Variants in KCNQ5 observed in about 807,000 individuals in gnomAD.
The protein encoded by KCNQ5 is potassium voltage-gated channel subfamily KQT member 5.
A neutral mutation model predicts 98.2 loss-of-function variants in KCNQ5; 30 were observed. That is an observed-to-expected ratio of 0.31 (90% CI 0.23 to 0.41). KCNQ5 has a LOEUF of 0.41. KCNQ5 is among the 10% of genes least tolerant of loss of function. The pLI, the probability that KCNQ5 is intolerant of heterozygous loss-of-function variation, is 1.00. For synonymous variants in KCNQ5, 458 were observed against 449.4 expected (o/e 1.02, Z -0.24); for missense variants, 835 against 1,182.5 (o/e 0.71, Z 4.31).
rs1369772021 is a variant in KCNQ5 at position 73,042,214 on chromosome 6, A to G, written c.616+152A>G. ...TCTTGTGTCTTGAAAATGTTGACTC[A>G]TTTGATGTTGTCTCCACAGCATTAT... On this transcript the variant is annotated intron_variant, in intron 3 of 13. Coordinates refer to ENST00000370398, the MANE Select transcript of KCNQ5 (RefSeq NM_019842.4). 4 of 836,060 alleles carry G rather than the reference A, an allele frequency of 4.8e-6. No individual in the cohort carries two copies. The East Asian group carries it at 1.0e-4, about 21-fold the overall frequency. 51.8% of individuals were successfully genotyped at this position (836,060 alleles called of 1,614,324 possible). A position where few individuals can be genotyped will look rare whatever the true frequency, so the allele number is the denominator to read the frequency against.
chr6:72,985,928 A>T (rs922115456), intron 1 of KCNQ5, among the ~76,000 whole-genome samples: 2 of 152,128 alleles, frequency 1.3e-5, no homozygotes, highest in Admixed American at 6.6e-5. Context: ...TCAATGGTGG[A>T]TCGGATAAAG....
chr6:72,813,773 A>G (rs1002845322), intron 1 of KCNQ5, among the ~76,000 whole-genome samples: 1 of 152,194 alleles, frequency 6.6e-6, no homozygotes, highest in African/African-American at 2.4e-5. Context: ...ATAATATCTA[A>G]TATAATGTAA....
chr6:72,849,540 C>T (rs538718596), intron 1 of KCNQ5, among the ~76,000 whole-genome samples: 11 of 152,122 alleles, frequency 7.2e-5, no homozygotes, highest in South Asian at 2.1e-4. Context: ...CCAGTTGAGT[C>T]ATAAACTGGT....
At chr6:72,968,925 G>C (rs935836875) in intron 1 of KCNQ5, among the ~76,000 whole-genome samples, 5 of 152,108 alleles carry the variant, frequency 3.3e-5, no homozygotes, top group African/African-American at 1.2e-4. Context: ...CTCTTACTAA[G>C]CTTCCCTTTG....
chr6:72,970,750 A>T (rs1172348243), intron 1 of KCNQ5, among the ~76,000 whole-genome samples: 1 of 152,266 alleles, frequency 6.6e-6, no homozygotes, highest in Non-Finnish European at 1.5e-5. Flanking sequence ...AAATGGGGAA[A>T]GGATTCCCTA....
chr6:72,652,802 T>C (rs1231801100), intron 1 of KCNQ5, among the ~76,000 whole-genome samples: 2 of 152,042 alleles, frequency 1.3e-5, no homozygotes, highest in African/African-American at 2.4e-5. Context: ...AGGACTGAGT[T>C]CAATTCAGCC....
In KCNQ5 at chr6:73,197,917, C is replaced by T. The variant is rs1480526347; in HGVS notation, c.*2503C>T. 1 of 152,212 alleles carries T rather than the reference C, an allele frequency of 6.6e-6. No homozygotes were observed. Among genetic ancestry groups the T allele is most frequent in the Non-Finnish European group, 1.5e-5 (1 of 68,042 alleles). 9.4% of individuals were successfully genotyped at this position (152,212 alleles called of 1,614,324 possible). On this transcript the variant is annotated 3_prime_UTR_variant, in exon 14 of 14. Coordinates refer to ENST00000370398, the MANE Select transcript of KCNQ5 (RefSeq NM_019842.4). ...CTACACACAGCACTGAGGTCTTAAT[C>T]ATAGCAAAATGTGATAAACCATGTT...
chr6:73,105,191 C>T (rs1774952503), intron 5 of KCNQ5, 66 bp from the exon 6 acceptor site: 5 of 796,756 alleles, frequency 6.3e-6, no homozygotes, highest in Non-Finnish European at 1.0e-5. Context: ...TGCTTGCCTC[C>T]TGTTCATAGG....
At chr6:72,773,236 G>A (rs901449955) in intron 1 of KCNQ5, among the ~76,000 whole-genome samples, 5 of 152,060 alleles carry the variant, frequency 3.3e-5, no homozygotes, top group African/African-American at 1.2e-4. Flanking sequence ...CAACCCAAAT[G>A]CCCATCAGTG....
intron 1 of KCNQ5, among the ~76,000 whole-genome samples, chr6:72,747,829 A>G (rs766411677): frequency 3.3e-5 from 5 of 152,160 alleles, no homozygotes; most frequent in Non-Finnish European, 7.4e-5. Flanking sequence ...AACACCTTCA[A>G]CAGGGTTGTT....
intron 8 of KCNQ5, 70 bp from the exon 9 acceptor site, chr6:73,124,416 C>A: frequency 7.0e-7 from 1 of 1,432,746 alleles, no homozygotes; most frequent in Non-Finnish European, 9.8e-7. Flanking sequence ...TCCAATTTGG[C>A]CATTATCAAG....
intron 1 of KCNQ5, among the ~76,000 whole-genome samples, chr6:72,818,684 T>C (rs1053509285): frequency 6.6e-6 from 1 of 151,468 alleles, no homozygotes; most frequent in Non-Finnish European, 1.5e-5. Flanking sequence ...ATTTTTGAGA[T>C]ATTTTGGAAC....
chr6:72,724,473 G>A (rs539511418), intron 1 of KCNQ5, among the ~76,000 whole-genome samples: 11 of 152,210 alleles, frequency 7.2e-5, no homozygotes, highest in South Asian at 2.1e-4. Context: ...GGAATAGTCC[G>A]TTCTTTCTGT....
At chr6:72,995,718 A>C (rs965399090) in intron 1 of KCNQ5, among the ~76,000 whole-genome samples, 13 of 152,236 alleles carry the variant, frequency 8.5e-5, no homozygotes, top group African/African-American at 3.1e-4. Flanking sequence ...TGGGTAGTTC[A>C]TGCTAGGAAT....
intron 1 of KCNQ5, among the ~76,000 whole-genome samples, chr6:72,733,648 G>T (rs975381093): frequency 4.6e-5 from 7 of 152,166 alleles, no homozygotes; most frequent in African/African-American, 1.7e-4. Flanking sequence ...AGAGGAATTT[G>T]GAGAATACGT....
chr6:72,694,083 C>T (rs1270588780), intron 1 of KCNQ5, among the ~76,000 whole-genome samples: 1 of 152,124 alleles, frequency 6.6e-6, no homozygotes, highest in South Asian at 2.1e-4. Flanking sequence ...CATTCCAGCC[C>T]ACCCTGTTTT....
At chr6:73,146,072 A>G (rs1377274720) in intron 10 of KCNQ5, among the ~76,000 whole-genome samples, 1 of 152,218 alleles carries the variant, frequency 6.6e-6, no homozygotes, top group Non-Finnish European at 1.5e-5. Flanking sequence ...GGGTGGGGAT[A>G]CAGAGCGAAA....
chr6:72,730,279 G>A (rs893516816), intron 1 of KCNQ5, among the ~76,000 whole-genome samples: 1 of 151,896 alleles, frequency 6.6e-6, no homozygotes, highest in Non-Finnish European at 1.5e-5. Context: ...TTGTATTATT[G>A]ACTTTACTTA....
At chr6:72,670,165 T>C (rs1227067967) in intron 1 of KCNQ5, among the ~76,000 whole-genome samples, 1 of 152,144 alleles carries the variant, frequency 6.6e-6, no homozygotes. Flanking sequence ...AGGATCAACT[T>C]TCCTCTAAGT....
Sources: allele counts gnomAD v4.1 joint callset (sites outside exome capture counted in the v4.1 genomes callset), GRCh38; gene constraint gnomAD v4.1.1; transcripts MANE v1.5; gene names NCBI Gene and HGNC (gene_info 2026-07-23, HGNC 2026-07-21).